ZNF438: variants seen among roughly 807,000 people sequenced by gnomAD.
The protein encoded by ZNF438 is zinc finger protein 438.
A neutral mutation model predicts 38.0 loss-of-function variants in ZNF438; 25 were observed. That is an observed-to-expected ratio of 0.66 (90% CI 0.48 to 0.92). The LOEUF (loss-of-function observed/expected upper bound fraction) is 0.92, where lower values mean the gene tolerates loss of function less well. Among genes scored for constraint, ZNF438 ranks in the 40% least tolerant of loss-of-function variants. The pLI is 0.00. For synonymous variants in ZNF438, 372 were observed against 364.1 expected (o/e 1.02, Z -0.25); for missense variants, 1,007 against 999.6 (o/e 1.01, Z -0.10).
chr10:30,930,049 G>A (rs552189854), intron 2 of ZNF438, among the ~76,000 whole-genome samples: 58 of 152,160 alleles, frequency 3.8e-4, no homozygotes, highest in Non-Finnish European at 6.6e-4. Flanking sequence ...AGCCAGTCCC[G>A]CGCCCACACT....
chr10:30,951,006 A>G (rs1179346112), intron 1 of ZNF438, among the ~76,000 whole-genome samples: 6 of 140,082 alleles, frequency 4.3e-5, no homozygotes, highest in African/African-American at 1.6e-4. Flanking sequence ...TCAATAAAAT[A>G]CTGGCAAAAC....
chr10:30,858,085 A>T (rs2034975662), intron 4 of ZNF438, among the ~76,000 whole-genome samples: 1 of 152,218 alleles, frequency 6.6e-6, no homozygotes, highest in Non-Finnish European at 1.5e-5. Context: ...TACTGCTAAG[A>T]GTGCAGAAGG....
intron 4 of ZNF438, among the ~76,000 whole-genome samples, chr10:30,852,533 A>T (rs1006556216): frequency 6.6e-6 from 1 of 152,230 alleles, no homozygotes; most frequent in African/African-American, 2.4e-5. Flanking sequence ...TAATGCCTAC[A>T]GTGAGTGAAT....
At chr10:30,845,404 T>C (rs199948851) in exon 6 of ZNF438, 2 of 1,614,002 alleles carry the variant, frequency 1.2e-6, no homozygotes, top group African/African-American at 1.3e-5. Context: ...CCTGGGAAGG[T>C]CCCTTCTTGT....
At chr10:30,907,611 A>C (rs2042709790) in intron 3 of ZNF438, among the ~76,000 whole-genome samples, 1 of 151,988 alleles carries the variant, frequency 6.6e-6, no homozygotes, top group South Asian at 2.1e-4. Context: ...TTTTTTAGGA[A>C]TTTATCCATT....
chr10:30,970,407 T>C (rs2050616825), intron 1 of ZNF438, among the ~76,000 whole-genome samples: 1 of 152,186 alleles, frequency 6.6e-6, no homozygotes. Context: ...TCTAACGTAC[T>C]TTATGTAATT....
chr10:30,917,793 CAA>C lies in ZNF438; in HGVS notation c.-114-8780_-114-8779del, dbSNP rs763377424. 5.3e-5 allele frequency among the ~76,000 whole-genome samples: 8 copies of C among 152,048 alleles called. No homozygotes were observed. The East Asian group carries it at 1.2e-3, about 22-fold the overall frequency. On this transcript the variant is annotated intron_variant, in intron 2 of 5. Transcript: ENST00000413025. The stretch of plus-strand genomic sequence containing the variant: ...TCTTAGTGGTATCTTTTGATAAACA[CAA>C]GTTTGGTTTTTTCAATGAAGTCTAT...
chr10:30,932,773 G>A (rs2045835906), intron 2 of ZNF438, among the ~76,000 whole-genome samples: 1 of 152,170 alleles, frequency 6.6e-6, no homozygotes, highest in Non-Finnish European at 1.5e-5. Flanking sequence ...ATATAATCAG[G>A]TTAAAATGAG....
At chr10:30,882,103 T>C (rs1163078709) in intron 3 of ZNF438, among the ~76,000 whole-genome samples, 1 of 152,086 alleles carries the variant, frequency 6.6e-6, no homozygotes, top group African/African-American at 2.4e-5. Flanking sequence ...CTTCAAAAGA[T>C]ATCAATAAGA....
intron 1 of ZNF438, among the ~76,000 whole-genome samples, chr10:30,996,993 G>C (rs1053383673): frequency 6.6e-6 from 1 of 152,140 alleles, no homozygotes; most frequent in Non-Finnish European, 1.5e-5. Context: ...CTTGAGATTA[G>C]TGAGAACTAA....
chr10:30,984,817 T>G (rs1397384539), intron 1 of ZNF438, among the ~76,000 whole-genome samples: 3 of 152,144 alleles, frequency 2.0e-5, no homozygotes, highest in African/African-American at 7.2e-5. Flanking sequence ...AATCAAGAGT[T>G]TGGGATTTGA....
chr10:30,885,727 T>C (rs1049585648), intron 3 of ZNF438, among the ~76,000 whole-genome samples: 1 of 152,000 alleles, frequency 6.6e-6, no homozygotes, highest in Non-Finnish European at 1.5e-5. Flanking sequence ...TAGACAAGGG[T>C]GTTCTGATGG....
At chr10:30,958,207 A>G (rs2049081491) in intron 1 of ZNF438, among the ~76,000 whole-genome samples, 1 of 146,578 alleles carries the variant, frequency 6.8e-6, no homozygotes, top group Non-Finnish European at 1.5e-5. Flanking sequence ...ATGTTAGGCT[A>G]CCAGACTGTA....
intron 1 of ZNF438, among the ~76,000 whole-genome samples, chr10:31,030,713 C>T (rs2057232849): frequency 1.3e-5 from 2 of 152,190 alleles, no homozygotes; most frequent in Admixed American, 1.3e-4. Flanking sequence ...TGTGAACTCT[C>T]GAGCTCCTGT....
intron 1 of ZNF438, among the ~76,000 whole-genome samples, chr10:31,007,177 A>G (rs2055217468): frequency 6.6e-6 from 1 of 152,130 alleles, no homozygotes; most frequent in South Asian, 2.1e-4. Context: ...GGAGAAGGGA[A>G]GCCCTGCTAA....
intron 1 of ZNF438, among the ~76,000 whole-genome samples, chr10:31,019,423 T>G (rs1234362817): frequency 1.3e-5 from 2 of 152,230 alleles, no homozygotes; most frequent in African/African-American, 4.8e-5. Flanking sequence ...GACGAAAGAT[T>G]TCTTCAAGAT....
intron 1 of ZNF438, among the ~76,000 whole-genome samples, chr10:31,027,563 C>T (rs1226846889): frequency 6.6e-6 from 1 of 152,070 alleles, no homozygotes; most frequent in Non-Finnish European, 1.5e-5. Flanking sequence ...TGTGCCTGAA[C>T]TTAAAAGTCA....
intron 3 of ZNF438, among the ~76,000 whole-genome samples, chr10:30,885,325 G>T (rs1444402816): frequency 6.6e-6 from 1 of 152,162 alleles, no homozygotes; most frequent in Admixed American, 6.5e-5. Flanking sequence ...CTGTTAGGCT[G>T]TGCCTCTTGA....
intron 1 of ZNF438, among the ~76,000 whole-genome samples, chr10:31,002,325 G>C (rs73254428): frequency 0.012 from 1,877 of 152,174 alleles, 44 homozygotes; most frequent in African/African-American, 0.042. Context: ...CATTAAGTTC[G>C]AGAGAACTTC....
Sources: gnomAD v4.1 joint callset for allele counts (sites outside exome capture counted in the v4.1 genomes callset) on GRCh38, gnomAD v4.1.1 for gene constraint, MANE v1.5 for transcripts, NCBI Gene and HGNC (gene_info 2026-07-23, HGNC 2026-07-21) for gene names.